DLC1: variants seen among roughly 807,000 people sequenced by gnomAD.
DLC1 encodes the protein DLC1 Rho GTPase activating protein, also known as rho GTPase-activating protein 7.
DLC1 carries 54 observed loss-of-function variants against 140.3 expected under a neutral mutation model. The ratio of observed to expected loss-of-function variants is 0.38; its 90% CI spans 0.31 to 0.48. The LOEUF (loss-of-function observed/expected upper bound fraction) is 0.48, where lower values mean the gene tolerates loss of function less well. Among genes scored for constraint, DLC1 ranks in the 20% least tolerant of loss-of-function variants. The pLI, the probability that DLC1 is intolerant of heterozygous loss-of-function variation, is 0.96. For synonymous variants in DLC1, 986 were observed against 728.1 expected (o/e 1.35, Z -5.70); for missense variants, 2,536 against 1,907.0 (o/e 1.33, Z -6.14).
In DLC1 at chr8:13,100,117, G is replaced by C. The variant is rs781769426; in HGVS notation, c.2220C>G (p.Thr740=). The part of the protein sequence containing the change: ...RKRSVSNSTQ[T]SSSSSQSETS... ...TCTCCGACTGGCTGCTGCTGCTGCT[G>C]GTCTGCGTGGAGTTGGAAACGCTCC... The change falls in exon 9 of 18, where the codon ACC becomes ACG. Residue 740 remains threonine, a synonymous_variant. Coordinates refer to ENST00000276297, the MANE Select transcript of DLC1 (RefSeq NM_182643.3). The C allele has an allele frequency of 1.1e-5, 18 of 1,614,008 alleles. No homozygotes were observed. The East Asian group carries it at 3.8e-4, about 34-fold the overall frequency.
chr8:13,583,570 T>TA (rs1330486478), intron 1 of DLC1, among the ~76,000 whole-genome samples: 17 of 152,102 alleles, frequency 1.1e-4, no homozygotes, highest in Non-Finnish European at 8.8e-5. Context: ...TTCCAATAGG[T>TA]AAAAAAATGC....
chr8:13,342,084 C>T (rs984003518), intron 4 of DLC1: 15 of 152,108 alleles, frequency 9.9e-5, no homozygotes, highest in Middle Eastern at 3.2e-3. Context: ...CTGTGAATTC[C>T]AAAACAAAAA....
intron 4 of DLC1, among the ~76,000 whole-genome samples, chr8:13,343,967 A>G (rs889793226): frequency 2.0e-5 from 3 of 152,210 alleles, no homozygotes; most frequent in Non-Finnish European, 2.9e-5. Context: ...GGTCCAAGCC[A>G]TCAAGATACT....
intron 14 of DLC1, 83 bp from the exon 15 acceptor site, chr8:13,090,553 G>C: frequency 2.0e-6 from 3 of 1,502,524 alleles, no homozygotes; most frequent in Non-Finnish European, 2.7e-6. Flanking sequence ...GACTGGGTAG[G>C]AACAATGGCC....
intron 14 of DLC1, among the ~76,000 whole-genome samples, 175 bp from the exon 15 acceptor site, chr8:13,090,645 C>G (rs1817978749): frequency 6.6e-6 from 1 of 152,184 alleles, no homozygotes; most frequent in African/African-American, 2.4e-5. Flanking sequence ...AGGATATGAA[C>G]AGATCACCTC....
At chr8:13,102,903 T>TTAGA in intron 7 of DLC1, 50 bp from the exon 8 acceptor site, 1 of 1,479,668 alleles carries the variant, frequency 6.8e-7, no homozygotes, top group Non-Finnish European at 9.4e-7. Context: ...CACTCTCTAA[T>TTAGA]GAGTGGATAA....
At chr8:13,387,861 A>C (rs1288472324) in intron 4 of DLC1, among the ~76,000 whole-genome samples, 1 of 152,084 alleles carries the variant, frequency 6.6e-6, no homozygotes, top group African/African-American at 2.4e-5. Flanking sequence ...AGACGTTCGC[A>C]TGTTCAACAC....
chr8:13,237,240 TACAC>T (rs201246253), intron 5 of DLC1, among the ~76,000 whole-genome samples: 17 of 131,052 alleles, frequency 1.3e-4, no homozygotes, highest in Admixed American at 3.9e-4. Context: ...TATATATATA[TACAC>T]ACACACACAC....
intron 2 of DLC1, among the ~76,000 whole-genome samples, chr8:13,485,712 C>T (rs186968319): frequency 2.6e-5 from 4 of 152,308 alleles, no homozygotes; most frequent in Admixed American, 2.6e-4. Flanking sequence ...TTCACTTATT[C>T]TCTAACAGAA....
rs552483486 is a variant in DLC1, at chr8:13,206,939, A to T, written c.1349-91282T>A. 3.1e-3 allele frequency among the ~76,000 whole-genome samples: 469 copies of T among 152,304 alleles called. 2 individuals are homozygous for T. Among genetic ancestry groups the T allele is most frequent in the African/African-American group, 0.011 (439 of 41,574 alleles). On this transcript the variant is annotated intron_variant, in intron 5 of 17. Coordinates refer to ENST00000276297, the MANE Select transcript of DLC1 (RefSeq NM_182643.3). ...AGCAGCTGTCACTATTATGCTACTG[A>T]GAATACATTTTTTTAAACATTACAT...
At chr8:13,337,395 C>CA (rs1270407992) in intron 4 of DLC1, among the ~76,000 whole-genome samples, 5 of 151,984 alleles carry the variant, frequency 3.3e-5, no homozygotes, top group African/African-American at 7.2e-5. Flanking sequence ...CTAATTGCTA[C>CA]AAAAAAATAA....
chr8:13,571,935 A>G (rs542424582), intron 1 of DLC1, among the ~76,000 whole-genome samples: 1 of 152,084 alleles, frequency 6.6e-6, no homozygotes, highest in Non-Finnish European at 1.5e-5. Context: ...TTGTACTTTG[A>G]CTTATAATTT....
chr8:13,568,620 C>G (rs1804539724), intron 1 of DLC1, among the ~76,000 whole-genome samples: 2 of 152,098 alleles, frequency 1.3e-5, no homozygotes, highest in South Asian at 4.1e-4. Flanking sequence ...GATACAAACT[C>G]TTGAGAAATG....
At chr8:13,363,098 G>A (rs7014514) in intron 4 of DLC1, among the ~76,000 whole-genome samples, 29,472 of 152,124 alleles carry the variant, frequency 0.19, 3,123 homozygotes, top group Non-Finnish European at 0.24. Flanking sequence ...TGTGGGGGAT[G>A]TAAACATTAA....
chr8:13,383,588 C>T (rs542351704), intron 4 of DLC1, among the ~76,000 whole-genome samples: 2 of 152,118 alleles, frequency 1.3e-5, no homozygotes, highest in African/African-American at 4.8e-5. Context: ...AGTTGCCACC[C>T]AATAATTCTT....
chr8:13,150,610 C>T (rs542824029), intron 5 of DLC1, among the ~76,000 whole-genome samples: 2 of 152,340 alleles, frequency 1.3e-5, no homozygotes, highest in East Asian at 1.9e-4. Context: ...TGGGGACTTC[C>T]TCCTTTGCAG....
chr8:13,512,236 T>TG (rs1802405079), intron 1 of DLC1, among the ~76,000 whole-genome samples: 1 of 151,246 alleles, frequency 6.6e-6, no homozygotes, highest in Admixed American at 6.6e-5. Context: ...GTCATGAAAA[T>TG]GGAAAAAAAA....
intron 2 of DLC1, among the ~76,000 whole-genome samples, chr8:13,475,980 C>T (rs750710652): frequency 6.6e-6 from 1 of 152,170 alleles, no homozygotes; most frequent in Non-Finnish European, 1.5e-5. Flanking sequence ...GAATACTGAA[C>T]CTGTGAAACT....
intron 1 of DLC1, among the ~76,000 whole-genome samples, chr8:13,510,410 C>A (rs1273555281): frequency 6.6e-6 from 1 of 152,118 alleles, no homozygotes; most frequent in Non-Finnish European, 1.5e-5. Context: ...TTCTTGACCT[C>A]AGGTGATCTG....
Sources: allele counts gnomAD v4.1 joint callset (sites outside exome capture counted in the v4.1 genomes callset), GRCh38; gene constraint gnomAD v4.1.1; transcripts MANE v1.5; gene names NCBI Gene and HGNC (gene_info 2026-07-23, HGNC 2026-07-21).